The following RBBP8NL variants were observed in gnomAD, a reference collection of about 807,000 sequenced individuals.
RBBP8NL encodes the protein RBBP8 N-terminal like, also known as RBBP8 N-terminal-like protein.
In RBBP8NL, 59 loss-of-function variants were observed where a neutral mutation model predicts 62.2. That is an observed-to-expected ratio of 0.95 (90% CI 0.77 to 1.18). The LOEUF is 1.18. Among genes scored for constraint, RBBP8NL ranks in the 50% most tolerant of loss-of-function variants. The pLI is 0.00. For synonymous variants in RBBP8NL, 412 were observed against 394.1 expected, an observed-to-expected ratio of 1.05 and a Z score of -0.54; for missense variants, 896 against 899.5, an observed-to-expected ratio of 1.00 and a Z score of 0.05.
chr20:62,415,374 C>A, intron 8 of RBBP8NL, 87 bp from the exon 9 acceptor site: 1 of 1,459,270 alleles, frequency 6.9e-7, no homozygotes, highest in East Asian at 2.5e-5. Flanking sequence ...CTGCCCTGGG[C>A]TGCTCCCACT....
Position 62,418,193 on chromosome 20 carries a change from G to C in RBBP8NL, c.104+230C>G, listed in dbSNP as rs548673334. Among the ~76,000 whole-genome samples, 12 of 152,316 alleles carry C rather than the reference G, an allele frequency of 7.9e-5. No homozygotes were observed. The East Asian group carries it at 2.3e-3, about 29-fold the overall frequency. Reference sequence around the variant, plus strand: ...GATCCTGGGGTGGGAGAAGCCCCGAGTAGGGGGCTTGCCCCGCCCCTGGGA... The same window carrying C: ...GATCCTGGGGTGGGAGAAGCCCCGACTAGGGGGCTTGCCCCGCCCCTGGGA... On this transcript the variant is annotated intron_variant, in intron 3 of 13. Coordinates refer to ENST00000252998, the MANE Select transcript of RBBP8NL (RefSeq NM_080833.3).
chr20:62,424,913 G>A (rs1282045763), intron 1 of RBBP8NL, among the ~76,000 whole-genome samples: 1 of 152,308 alleles, frequency 6.6e-6, no homozygotes, highest in East Asian at 1.9e-4. Flanking sequence ...TGGCTGGGGC[G>A]GGGCAGGGGT....
At chr20:62,417,990 T>G (rs6121581) in intron 3 of RBBP8NL, among the ~76,000 whole-genome samples, 35,984 of 65,450 alleles carry the variant, frequency 0.55, 9,457 homozygotes, top group South Asian at 0.67. Flanking sequence ...CCGCCCCCCC[T>G]GTCATCTGCA....
intron 3 of RBBP8NL, among the ~76,000 whole-genome samples, chr20:62,417,654 C>T (rs58216546): frequency 0.013 from 884 of 67,440 alleles, 8 homozygotes; most frequent in Non-Finnish European, 0.019. Context: ...ACGTCTGTCC[C>T]GTCCACGCAC....
chr20:62,421,850 T>C (rs936785634), intron 1 of RBBP8NL, among the ~76,000 whole-genome samples: 1 of 150,240 alleles, frequency 6.7e-6, no homozygotes, highest in African/African-American at 2.5e-5. Context: ...AGTGTGCATG[T>C]GTGTGTGCCA....
At chr20:62,424,208 G>GTGGGTGC (rs1433318512) in intron 1 of RBBP8NL, among the ~76,000 whole-genome samples, 1 of 152,038 alleles carries the variant, frequency 6.6e-6, no homozygotes, top group Non-Finnish European at 1.5e-5. Context: ...GAGGGTCTCT[G>GTGGGTGC]TGGGTGCTGA....
chr20:62,425,943 C>T (rs563809944), intron 1 of RBBP8NL, among the ~76,000 whole-genome samples: 19 of 151,110 alleles, frequency 1.3e-4, no homozygotes, highest in Admixed American at 7.9e-4. Flanking sequence ...GTAGCAGTAG[C>T]AGTGGCAGTG....
intron 1 of RBBP8NL, among the ~76,000 whole-genome samples, chr20:62,426,022 G>A (rs1469360099): frequency 7.0e-6 from 1 of 143,422 alleles, no homozygotes; most frequent in Admixed American, 6.9e-5. Flanking sequence ...GGCAGCGGCA[G>A]TGGCATTAGC....
At position 62,414,181 on chromosome 20, in the gene RBBP8NL, G is replaced by A. The variant is rs758203487; in HGVS notation, c.1170C>T (p.Val390=). ...TCTCAGGGCCCTCAGAGTCTGAGCC[G>A]ACTGGTAGGGAGGGCAGCATCTCCC... ...TPGEMLPSLP[V]GSDSEGPENE... is the part of the protein sequence containing the mutation. The change falls in exon 10 of 14, where the codon GTC becomes GTT. Residue 390 remains valine (V), a synonymous_variant. Transcript: ENST00000252998. The A allele has an allele frequency of 1.9e-5, 30 of 1,609,312 alleles. No homozygotes were observed. Among genetic ancestry groups the A allele is most frequent in the African/African-American group, 8.0e-5 (6 of 74,924 alleles).
chr20:62,415,707 G>A (rs1481172266), intron 7 of RBBP8NL, 47 bp from the exon 8 acceptor site: 1 of 1,610,280 alleles, frequency 6.2e-7, no homozygotes, highest in African/African-American at 1.3e-5. Flanking sequence ...GTGCTCAGAG[G>A]GGCAGCGGCC....
chr20:62,414,002 G>A lies in RBBP8NL; in HGVS notation c.1349C>T (p.Ala450Val). 6.4e-7 allele frequency: 1 copy of A among 1,572,506 alleles called. No individual in the cohort carries two copies. Among genetic ancestry groups the A allele is most frequent in the Non-Finnish European group, 8.6e-7 (1 of 1,159,668 alleles). ...KPLDLSEWGRARGQDTPKPAG... is the reference protein window; with the variant it reads ...KPLDLSEWGRVRGQDTPKPAG... ...CGGCTTGGGAGTGTCCTGGCCCCGG[G>A]CCCGGCCCCACTCCGAGAGGTCCAG... Residue 450 changes from alanine to valine, a missense_variant, in exon 10 of 14, where the codon GCC becomes GTC. Ala to Val is a moderately conservative substitution (Grantham distance 64). Transcript: ENST00000252998.
chr20:62,417,435 G>A (rs1988595197), intron 3 of RBBP8NL, 116 bp from the exon 4 acceptor site: 4 of 742,068 alleles, frequency 5.4e-6, no homozygotes, highest in African/African-American at 2.6e-5. Flanking sequence ...TGGTCTGGGG[G>A]CAACGCCTAA....
At chr20:62,412,075 C>T (rs1001726603) in intron 13 of RBBP8NL, among the ~76,000 whole-genome samples, 8 of 152,370 alleles carry the variant, frequency 5.3e-5, no homozygotes, top group African/African-American at 9.6e-5. Context: ...AGGCTCCTGC[C>T]GGCATTACTG....
At chr20:62,416,511 A>C (rs772209963) in intron 5 of RBBP8NL, among the ~76,000 whole-genome samples, 1 of 152,200 alleles carries the variant, frequency 6.6e-6, no homozygotes. Flanking sequence ...CATCTCAGGA[A>C]GGAGGCCGCG....
In RBBP8NL at chr20:62,415,794, C is replaced by G; in HGVS notation, c.538G>C (p.Gly180Arg). ...EEDHQGVGLR[G>R]EEKPAGHRTS... The stretch of plus-strand genomic sequence containing the variant: ...CACCCGGTCCCCACAGCACCTTCTC[C>G]CCGTAGGCCCACGCCCTGGTGGTCT... The change falls in exon 7 of 14, where the codon GGA becomes CGA. Residue 180 changes from glycine to arginine, a missense_variant. Coordinates refer to ENST00000252998, the MANE Select transcript of RBBP8NL (RefSeq NM_080833.3). 4 of 1,612,072 alleles carry G rather than the reference C, an allele frequency of 2.5e-6. No homozygotes were observed. The African/African-American group carries it at 5.3e-5, about 21-fold the overall frequency.
chr20:62,424,883 AC>A (rs373729629), intron 1 of RBBP8NL, among the ~76,000 whole-genome samples: 76 of 150,920 alleles, frequency 5.0e-4, no homozygotes, highest in African/African-American at 1.4e-3. Flanking sequence ...GAGAGGGTGC[AC>A]CCCCCCCACC....
intron 1 of RBBP8NL, among the ~76,000 whole-genome samples, chr20:62,423,951 T>C (rs1043734681): frequency 3.9e-5 from 6 of 151,998 alleles, no homozygotes. Flanking sequence ...TCTGGGTTTG[T>C]TGGGCTTGCC....
chr20:62,419,295 G>A (rs1259803277), intron 2 of RBBP8NL, among the ~76,000 whole-genome samples: 2 of 152,204 alleles, frequency 1.3e-5, no homozygotes, highest in Non-Finnish European at 2.9e-5. Context: ...AGGTGGCCAT[G>A]AGGTGTTGGT....
intron 1 of RBBP8NL, among the ~76,000 whole-genome samples, chr20:62,426,576 G>C (rs571053861): frequency 6.6e-6 from 1 of 152,370 alleles, no homozygotes; most frequent in Admixed American, 6.5e-5. Context: ...TGGCCTCAGA[G>C]TCTCCTCCCA....
Sources: allele counts gnomAD v4.1 joint callset (sites outside exome capture counted in the v4.1 genomes callset), GRCh38; gene constraint gnomAD v4.1.1; transcripts MANE v1.5; gene names NCBI Gene and HGNC (gene_info 2026-07-23, HGNC 2026-07-21).